The following TTLL12 variants were observed in gnomAD, a reference collection of about 807,000 sequenced individuals.
TTLL12 encodes tubulin tyrosine ligase like 12, also known as tubulin--tyrosine ligase-like protein 12.
TTLL12 carries 77 observed loss-of-function variants against 79.6 expected under a neutral mutation model. That is an observed-to-expected ratio of 0.97 (90% CI 0.81 to 1.17). TTLL12 has a LOEUF of 1.17. TTLL12 is among the 50% of genes most tolerant of loss of function. The probability of loss-of-function intolerance (pLI) is 0.00; values close to 1 mark genes in which losing one functional copy is unlikely to be tolerated. For missense variants in TTLL12, 969 were observed against 895.9 expected, an observed-to-expected ratio of 1.08 and a Z score of -1.04; for synonymous variants, 437 against 376.1, an observed-to-expected ratio of 1.16 and a Z score of -1.87.
At chr22:43,181,296 C>G (rs755416449) in intron 2 of TTLL12, among the ~76,000 whole-genome samples, 9 of 152,282 alleles carry the variant, frequency 5.9e-5, no homozygotes, top group Non-Finnish European at 8.8e-5. Context: ...CCAGCAGTCA[C>G]TAGCGTGAAG....
chr22:43,168,028 G>C lies in TTLL12; in HGVS notation c.1915C>G (p.His639Asp). The part of the protein sequence containing the change: ...TLFLDQPGGC[H>D]VTCLV ...AGTGCCTAGACAAGGCAGGTAACGT[G>C]GCAGCCACCGGGCTGGTCCAGAAAC... The change falls in exon 14 of 14, where the codon CAC becomes GAC. Residue 639 changes from histidine to aspartate, a missense_variant. His to Asp is a moderately conservative substitution (Grantham distance 81, BLOSUM62 -1). Transcript: ENST00000216129. 6.2e-7 allele frequency: 1 copy of C among 1,613,978 alleles called. No individual in the cohort carries two copies. Among genetic ancestry groups the C allele is most frequent in the Non-Finnish European group, 8.5e-7 (1 of 1,179,916 alleles).
intron 5 of TTLL12, among the ~76,000 whole-genome samples, chr22:43,178,141 G>C (rs1931960601): frequency 6.6e-6 from 1 of 152,050 alleles, no homozygotes; most frequent in African/African-American, 2.4e-5. Flanking sequence ...CTGGTGCAGG[G>C]GCTCTGGGAG....
Position 43,167,934 on chromosome 22 carries a change from G to C in TTLL12, c.*74C>G. The C allele has an allele frequency of 1.3e-6, 2 of 1,552,898 alleles. No individual in the cohort carries two copies. The highest frequency in any genetic ancestry group is 1.8e-6 in the Non-Finnish European group (2 of 1,141,314). ...GGCCGGTGTGGGGAGGGACATGGGGGCCTTTGCAGAAGCAGCTCAGAGAAC... is the reference window on the plus strand; with the variant it reads ...GGCCGGTGTGGGGAGGGACATGGGGCCCTTTGCAGAAGCAGCTCAGAGAAC... On this transcript the variant is annotated 3_prime_UTR_variant, in exon 14 of 14. Coordinates refer to ENST00000216129, the MANE Select transcript of TTLL12 (RefSeq NM_015140.4).
chr22:43,178,512 G>A (rs186249101), intron 5 of TTLL12, among the ~76,000 whole-genome samples: 3,675 of 152,002 alleles, frequency 0.024, 165 homozygotes, highest in African/African-American at 0.078. Context: ...TAGTAGAGAC[G>A]GGGTTTCACC....
intron 1 of TTLL12, among the ~76,000 whole-genome samples, chr22:43,185,247 TTATATATATATATA>T (rs3985927): frequency 0.069 from 7,991 of 115,506 alleles, 462 homozygotes; most frequent in Non-Finnish European, 0.081. Context: ...AAGAAAAAAA[TTATATATATATATA>T]TATATATATA....
At chr22:43,178,462 C>T (rs1307508893) in intron 5 of TTLL12, among the ~76,000 whole-genome samples, 5 of 152,106 alleles carry the variant, frequency 3.3e-5, no homozygotes, top group African/African-American at 9.7e-5. Flanking sequence ...GCTGGGACTA[C>T]AGGTGCCCGC....
chr22:43,175,670 A>T (rs1891001744), intron 6 of TTLL12: 1 of 151,720 alleles, frequency 6.6e-6, no homozygotes, highest in Non-Finnish European at 1.5e-5. Context: ...TTCAAAGATG[A>T]ATTTATTTTA....
rs779840911 is a variant in TTLL12, at chr22:43,168,760, G to C, written c.1783+14C>G. 105 of 1,551,148 alleles carry C rather than the reference G, an allele frequency of 6.8e-5. 1 individual carries two copies. Among genetic ancestry groups the C allele is most frequent in the South Asian group, 3.4e-4 (29 of 84,190 alleles). ...CCTGCTGGTTTGGATCAGGAGATGG[G>C]GAGCCCCTCTTACCATCTGGGCCGT... is the stretch of plus-strand genomic sequence containing the variant. On this transcript the variant is annotated intron_variant, in intron 13 of 13. Transcript: ENST00000216129.
rs541404767 is a variant in TTLL12 at position 43,168,083 on chromosome 22, G to C, written c.1860C>G (p.Pro620=). 3.1e-6 allele frequency: 5 copies of C among 1,614,170 alleles called. No homozygotes were observed. The South Asian group carries it at 5.5e-5, about 18-fold the overall frequency. Residue 620 remains proline, a synonymous_variant, in exon 14 of 14, where the codon CCC becomes CCG. Transcript: ENST00000216129. ...PDCERACRYH[P]TFFNDVFSTL... ...TGCTGAAGACGTCGTTGAAGAAGGT[G>C]GGGTGGTACCTGCAGGCTCGCTCAC...
rs117381373 is a variant in TTLL12, at chr22:43,172,224, G to A, written c.1493+179C>T. ...AACACCAGAACTCTGAGGTGGGCAG[G>A]GCAAGTCACCGCCAATTAACACCAA... is the stretch of plus-strand genomic sequence containing the variant. On this transcript the variant is annotated intron_variant, in intron 10 of 13. Coordinates refer to ENST00000216129, the MANE Select transcript of TTLL12 (RefSeq NM_015140.4). Among the ~76,000 whole-genome samples, 708 of 152,338 alleles carry A rather than the reference G, an allele frequency of 4.6e-3. 10 individuals are homozygous for A. The highest frequency in any genetic ancestry group is 0.036 in the East Asian group (186 of 5,186).
In TTLL12 at chr22:43,174,292, C is replaced by T; in HGVS notation, c.1146G>A (p.Glu382=). The T allele has an allele frequency of 6.2e-7, 1 of 1,611,092 alleles. No homozygotes were observed. Among genetic ancestry groups the T allele is most frequent in the Non-Finnish European group, 8.5e-7 (1 of 1,179,504 alleles). The change falls in exon 8 of 14, where the codon GAG becomes GAA. Residue 382 remains glutamate (E), a synonymous_variant. Coordinates refer to ENST00000216129, the MANE Select transcript of TTLL12 (RefSeq NM_015140.4). ...AGGTTCGGGGCAGCCAGGGTGGGCC[C>T]TCGGGGCCACCTGCCCGGCGCGCGA... The part of the protein sequence containing the change: ...ASIARRAGGP[E]GPPWLPRTFN...
chr22:43,183,239 C>T, intron 1 of TTLL12, 90 bp from the exon 2 acceptor site: 1 of 1,513,402 alleles, frequency 6.6e-7, no homozygotes, highest in African/African-American at 1.4e-5. Flanking sequence ...CGAGGTGCCA[C>T]ACCCAGGCCT....
chr22:43,179,675 T>C lies in TTLL12; in HGVS notation c.784A>G (p.Thr262Ala). The C allele has an allele frequency of 1.9e-6, 3 of 1,579,726 alleles. No homozygotes were observed. The highest frequency in any genetic ancestry group is 2.6e-6 in the Non-Finnish European group (3 of 1,164,028). ...CAAGAGCTGAGGTCCAGCATGTCGGTGGGGGCCCAGGGCAGCAGCATGCAC... is the reference window on the plus strand; with the variant it reads ...CAAGAGCTGAGGTCCAGCATGTCGGCGGGGGCCCAGGGCAGCAGCATGCAC... ...RKCMLLPWAPTDMLDLSSCTP... is the reference protein window; with the variant it reads ...RKCMLLPWAPADMLDLSSCTP... Residue 262 changes from threonine to alanine, a missense_variant, in exon 5 of 14, where the codon ACC (threonine) becomes GCC (alanine). Thr to Ala is a moderately conservative substitution (Grantham distance 58). Transcript: ENST00000216129.
chr22:43,169,203 C>T (rs923863999), intron 12 of TTLL12, among the ~76,000 whole-genome samples: 4 of 152,232 alleles, frequency 2.6e-5, no homozygotes, highest in African/African-American at 7.2e-5. Context: ...GAGGCCCAGC[C>T]AACGTCTCCA....
At chr22:43,179,510 G>A (rs1931997105) in intron 5 of TTLL12, 109 bp downstream of exon 5, 1 of 1,403,128 alleles carries the variant, frequency 7.1e-7, no homozygotes, top group Admixed American at 2.7e-5. Flanking sequence ...CACGGTAACT[G>A]GCTCAGGGCC....
At position 43,168,838 on chromosome 22, in the gene TTLL12, G is replaced by A; in HGVS notation, c.1719C>T (p.Asp573=). Residue 573 remains aspartate, a synonymous_variant, in exon 13 of 14, where the codon GAC becomes GAT. Transcript: ENST00000216129. ...CAKPPPLGLC[D]YPSSRAMYAV... is the part of the protein sequence containing the mutation. The stretch of plus-strand genomic sequence containing the variant: ...CATACATGGCCCGGGATGAGGGGTA[G>A]TCGCAGAGGCCCAGGGGTGGTGGCT... 1 of 1,601,782 alleles carries A rather than the reference G, an allele frequency of 6.2e-7. No individual in the cohort carries two copies. Among genetic ancestry groups the A allele is most frequent in the Non-Finnish European group, 8.5e-7 (1 of 1,174,674 alleles).
At position 43,168,428 on chromosome 22, in the gene TTLL12, T is replaced by TAAAA. The variant is rs5845587; in HGVS notation, c.1784-273_1784-270dup. ...CTTTAAGCTTGGATGTTCAGTTTAG[T>TAAAA]AAAAAAAAAAAAAAGTAGATATGCA... On this transcript the variant is annotated intron_variant, in intron 13 of 13. Transcript: ENST00000216129. Among the ~76,000 whole-genome samples, 296 of 146,712 alleles carry TAAAA rather than the reference T, an allele frequency of 2.0e-3. 4 individuals are homozygous for TAAAA. The highest frequency in any genetic ancestry group is 2.3e-3 in the Admixed American group (35 of 14,898).
At chr22:43,173,855 C>G in intron 8 of TTLL12, 29 bp from the exon 9 acceptor site, 1 of 1,582,746 alleles carries the variant, frequency 6.3e-7, no homozygotes, top group Non-Finnish European at 8.5e-7. Context: ...GTCTGGGGGG[C>G]GCCTGGGGCC....
intron 11 of TTLL12, 72 bp from the exon 12 acceptor site, chr22:43,169,640 G>A (rs751586334): frequency 2.0e-6 from 3 of 1,520,642 alleles, no homozygotes; most frequent in Non-Finnish European, 2.7e-6. Flanking sequence ...GCCTGCTACT[G>A]CCTGGACCAG....
Sources: allele counts gnomAD v4.1 joint callset (sites outside exome capture counted in the v4.1 genomes callset), GRCh38; gene constraint gnomAD v4.1.1; transcripts MANE v1.5; gene names NCBI Gene and HGNC (gene_info 2026-07-23, HGNC 2026-07-21).